PPM1D: variants seen among roughly 807,000 people sequenced by gnomAD.
PPM1D encodes the protein protein phosphatase, Mg2+/Mn2+ dependent 1D.
PPM1D carries 52 observed loss-of-function variants against 58.3 expected under a neutral mutation model. The observed-to-expected ratio is 0.89, with a 90% CI of 0.71 to 1.12. The LOEUF is 1.12. PPM1D is among the 50% of genes most tolerant of loss of function. PPM1D has a pLI of 0.00. For synonymous variants in PPM1D, 278 were observed against 285.1 expected (o/e 0.98, Z 0.25); for missense variants, 564 against 777.2 (o/e 0.73, Z 3.26).
At chr17:60,620,416 C>T (rs2030676092) in intron 1 of PPM1D, among the ~76,000 whole-genome samples, 1 of 152,160 alleles carries the variant, frequency 6.6e-6, no homozygotes, top group Admixed American at 6.5e-5. Flanking sequence ...TAAATATTTT[C>T]TCCTGAAAGT....
intron 3 of PPM1D, among the ~76,000 whole-genome samples, chr17:60,644,695 C>T (rs562004844): frequency 6.6e-6 from 1 of 152,152 alleles, no homozygotes; most frequent in African/African-American, 2.4e-5. Flanking sequence ...CCAACACTAT[C>T]TGCATAAAAA....
chr17:60,643,885 T>TTG lies in PPM1D; in HGVS notation c.827-4006_827-4005insGT, dbSNP rs1261785590. 3.0e-5 allele frequency among the ~76,000 whole-genome samples: 4 copies of TTG among 135,024 alleles called. No individual in the cohort carries two copies. The Admixed American group carries it at 3.0e-4, about 10-fold the overall frequency. The allele number at this position is 135,024 out of a possible 152,430, so 88.6% of individuals were successfully genotyped here. On this transcript the variant is annotated intron_variant, in intron 3 of 5. Transcript: ENST00000305921. ...GTGCAATAGAACTCTTTTCTTTTCT[T>TTG]TTTTTTTTTTTTTTTTTTTGAGATG...
At chr17:60,607,952 CTTTAA>C (rs1470788170) in intron 1 of PPM1D, among the ~76,000 whole-genome samples, 3 of 152,186 alleles carry the variant, frequency 2.0e-5, no homozygotes, top group African/African-American at 7.2e-5. Flanking sequence ...TTTGGCATTA[CTTTAA>C]TTTAAAATGG....
chr17:60,624,923 T>A (rs1277145174), intron 2 of PPM1D, among the ~76,000 whole-genome samples: 1 of 152,192 alleles, frequency 6.6e-6, no homozygotes, highest in African/African-American at 2.4e-5. Flanking sequence ...GTGGATTGTC[T>A]GAGCTCAGGA....
At chr17:60,608,770 CAG>C (rs1261803203) in intron 1 of PPM1D, among the ~76,000 whole-genome samples, 1 of 149,606 alleles carries the variant, frequency 6.7e-6, no homozygotes, top group Admixed American at 6.6e-5. Flanking sequence ...TTTTTTGACA[CAG>C]AGTCTCGCTC....
intron 1 of PPM1D, among the ~76,000 whole-genome samples, chr17:60,618,012 C>T (rs761035306): frequency 1.3e-5 from 2 of 152,180 alleles, no homozygotes; most frequent in Non-Finnish European, 2.9e-5. Flanking sequence ...TTTCTCTAAA[C>T]ATGATGGTTG....
At chr17:60,609,319 T>C (rs1007520739) in intron 1 of PPM1D, among the ~76,000 whole-genome samples, 6 of 151,922 alleles carry the variant, frequency 3.9e-5, no homozygotes, top group Non-Finnish European at 8.8e-5. Flanking sequence ...GGTCTCGAAC[T>C]CCTGACCTCG....
intron 2 of PPM1D, among the ~76,000 whole-genome samples, chr17:60,624,673 C>T (rs1161073169): frequency 6.6e-6 from 1 of 152,106 alleles, no homozygotes; most frequent in African/African-American, 2.4e-5. Flanking sequence ...GTAATCCCAG[C>T]TACTCCGGAG....
At chr17:60,628,754 A>G (rs1283394935) in intron 2 of PPM1D, among the ~76,000 whole-genome samples, 3 of 151,930 alleles carry the variant, frequency 2.0e-5, no homozygotes, top group Admixed American at 2.0e-4. Flanking sequence ...ACTCCACTGT[A>G]TACATGTGGT....
At chr17:60,605,008 G>A (rs951509811) in intron 1 of PPM1D, among the ~76,000 whole-genome samples, 12 of 152,156 alleles carry the variant, frequency 7.9e-5, no homozygotes, top group African/African-American at 2.9e-4. Context: ...TTTTAGCAGA[G>A]ATGGGGTTTC....
At chr17:60,605,504 G>A (rs1203570744) in intron 1 of PPM1D, among the ~76,000 whole-genome samples, 1 of 152,216 alleles carries the variant, frequency 6.6e-6, no homozygotes, top group Non-Finnish European at 1.5e-5. Context: ...AACTAGTTGA[G>A]TTTAGTTGAA....
At chr17:60,630,285 ATTC>A (rs1232552779) in intron 2 of PPM1D, among the ~76,000 whole-genome samples, 6 of 152,052 alleles carry the variant, frequency 3.9e-5, no homozygotes, top group Non-Finnish European at 8.8e-5. Context: ...TTTCTTGACT[ATTC>A]TTTCTTGTTT....
intron 2 of PPM1D, among the ~76,000 whole-genome samples, chr17:60,632,664 C>A (rs972357112): frequency 6.6e-6 from 1 of 152,148 alleles, no homozygotes; most frequent in African/African-American, 2.4e-5. Context: ...CCAGCCCAGG[C>A]AACATAGTGA....
chr17:60,617,536 A>G (rs910114268), intron 1 of PPM1D, among the ~76,000 whole-genome samples: 6 of 150,800 alleles, frequency 4.0e-5, no homozygotes, highest in Non-Finnish European at 7.4e-5. Context: ...TGGGCAACAT[A>G]TTGAGACCCT....
intron 2 of PPM1D, among the ~76,000 whole-genome samples, chr17:60,627,816 ATTAATGAACT>A (rs879702702): frequency 2.0e-5 from 3 of 152,174 alleles, no homozygotes; most frequent in Admixed American, 2.0e-4. Flanking sequence ...CTGAAACTTT[ATTAATGAACT>A]TTGCATATTC....
At chr17:60,629,867 A>G (rs1457385951) in intron 2 of PPM1D, among the ~76,000 whole-genome samples, 1 of 152,024 alleles carries the variant, frequency 6.6e-6, no homozygotes, top group South Asian at 2.1e-4. Flanking sequence ...GCGAAACCCT[A>G]TCTCTACTAA....
At chr17:60,638,825 G>A (rs186469373) in intron 3 of PPM1D, among the ~76,000 whole-genome samples, 54 of 152,102 alleles carry the variant, frequency 3.6e-4, no homozygotes, top group East Asian at 9.7e-4. Context: ...TTTTTTGGGC[G>A]GGGGAAGGGG....
Position 60,600,429 on chromosome 17 carries a change from C to T in PPM1D, c.15C>T (p.Tyr5=). ...GCCAGCCGGCCATGGCGGGGCTGTA[C>T]TCGCTGGGAGTGAGCGTCTTCTCCG... is the stretch of plus-strand genomic sequence containing the variant. MAGL[Y]SLGVSVFSDQ... is the part of the protein sequence containing the mutation. The change falls in exon 1 of 6, where the codon TAC becomes TAT. Residue 5 remains tyrosine, a synonymous_variant. Transcript: ENST00000305921. 1 of 1,551,508 alleles carries T rather than the reference C, an allele frequency of 6.4e-7. No homozygotes were observed. The highest frequency in any genetic ancestry group is 8.7e-7 in the Non-Finnish European group (1 of 1,147,842).
intron 2 of PPM1D, among the ~76,000 whole-genome samples, chr17:60,629,835 C>T (rs889274985): frequency 3.3e-5 from 5 of 151,998 alleles, no homozygotes; most frequent in Admixed American, 6.6e-5. Flanking sequence ...GTCAGGAGTT[C>T]GAGACAAGCC....
Sources: allele counts gnomAD v4.1 joint callset (sites outside exome capture counted in the v4.1 genomes callset), GRCh38; gene constraint gnomAD v4.1.1; transcripts MANE v1.5; gene names NCBI Gene and HGNC (gene_info 2026-07-23, HGNC 2026-07-21).